KALRN: variants seen among roughly 807,000 people sequenced by gnomAD.
The protein encoded by KALRN is kalirin.
Under a neutral mutation model 353.7 loss-of-function variants are expected in KALRN, and 70 were observed. The observed-to-expected ratio is 0.20, with a 90% CI of 0.16 to 0.24. The LOEUF (loss-of-function observed/expected upper bound fraction) is 0.24. Ranked by LOEUF, KALRN falls within the 10% of genes least tolerant of loss-of-function variation. KALRN has a pLI of 1.00. For synonymous variants in KALRN, 1,391 were observed against 1,434.8 expected, an observed-to-expected ratio of 0.97 and a Z score of 0.69; for missense variants, 2,791 against 3,756.7, an observed-to-expected ratio of 0.74 and a Z score of 6.72.
intron 33 of KALRN, chr3:124,562,612 G>GAT: frequency 2.0e-4 from 70 of 350,226 alleles, no homozygotes; most frequent in East Asian, 3.8e-4. Context: ...TGATTGAATA[G>GAT]CACTGTGCTA....
chr3:124,293,905 G>A (rs892199746), intron 5 of KALRN, among the ~76,000 whole-genome samples: 2 of 152,128 alleles, frequency 1.3e-5, no homozygotes, highest in Non-Finnish European at 2.9e-5. Flanking sequence ...ACTAGCAACC[G>A]AATAACCTAT....
chr3:124,233,196 C>T (rs545036104), intron 2 of KALRN, among the ~76,000 whole-genome samples: 1 of 152,232 alleles, frequency 6.6e-6, no homozygotes, highest in East Asian at 1.9e-4. Flanking sequence ...AGGAAAAAAA[C>T]AACAGCTATG....
chr3:124,429,561 T>C (rs2150433824), intron 15 of KALRN, among the ~76,000 whole-genome samples: 2 of 152,340 alleles, frequency 1.3e-5, no homozygotes, highest in Middle Eastern at 6.8e-3. Flanking sequence ...TTTGGCAATG[T>C]TCTGGTGACC....
At chr3:124,046,392 C>G (rs1390265089) in intron 1 of KALRN, among the ~76,000 whole-genome samples, 1 of 152,148 alleles carries the variant, frequency 6.6e-6, no homozygotes, top group Non-Finnish European at 1.5e-5. Flanking sequence ...TTTTTCAGGT[C>G]AGATGCTGGA....
At chr3:124,120,736 A>ATATATATATATATATATATATATATG (rs1553774505) in intron 1 of KALRN, among the ~76,000 whole-genome samples, 6 of 144,380 alleles carry the variant, frequency 4.2e-5, no homozygotes, top group African/African-American at 1.6e-4. Flanking sequence ...ATATATATAT[A>ATATATATATATATATATATATATATG]TATATATATT....
intron 21 of KALRN, among the ~76,000 whole-genome samples, chr3:124,450,429 AC>A (rs1560981582): frequency 6.6e-6 from 1 of 152,234 alleles, no homozygotes; most frequent in African/African-American, 2.4e-5. Flanking sequence ...CCTTAGCTGA[AC>A]TAAACTATGA....
chr3:124,516,466 A>G (rs1237391389), intron 33 of KALRN, among the ~76,000 whole-genome samples: 3 of 152,186 alleles, frequency 2.0e-5, no homozygotes, highest in African/African-American at 4.8e-5. Context: ...GACATGTGGT[A>G]AGCACTCAAT....
At chr3:124,109,456 C>A (rs938939737) in intron 1 of KALRN, among the ~76,000 whole-genome samples, 1 of 151,936 alleles carries the variant, frequency 6.6e-6, no homozygotes, top group Admixed American at 6.6e-5. Context: ...TTTCCCAAAT[C>A]ACCTTTCTTT....
intron 1 of KALRN, among the ~76,000 whole-genome samples, chr3:124,180,897 G>A (rs2073478739): frequency 6.6e-6 from 1 of 151,798 alleles, no homozygotes; most frequent in African/African-American, 2.4e-5. Flanking sequence ...ACTTACAAGT[G>A]TGTTATATCT....
intron 1 of KALRN, among the ~76,000 whole-genome samples, chr3:124,171,509 A>C (rs1466732794): frequency 6.6e-6 from 1 of 152,158 alleles, no homozygotes; most frequent in African/African-American, 2.4e-5. Context: ...ACACCTCTTG[A>C]AGTTGAGGCC....
At chr3:124,619,760 T>C (rs535495660) in intron 34 of KALRN, among the ~76,000 whole-genome samples, 132 of 152,250 alleles carry the variant, frequency 8.7e-4, no homozygotes, top group Non-Finnish European at 1.6e-3. Flanking sequence ...GTGCTGGGAT[T>C]ACAGGCATGA....
At chr3:124,452,192 G>A (rs75601343) in intron 21 of KALRN, among the ~76,000 whole-genome samples, 10,265 of 152,216 alleles carry the variant, frequency 0.067, 431 homozygotes, top group East Asian at 0.13. Context: ...TGGGGACCAT[G>A]GCCATGGTTG....
chr3:124,078,149 T>C (rs186603293), intron 1 of KALRN, among the ~76,000 whole-genome samples: 1 of 152,290 alleles, frequency 6.6e-6, no homozygotes, highest in East Asian at 1.9e-4. Flanking sequence ...TGTTTTTCCA[T>C]CCTCTAATAT....
At chr3:124,181,683 CTT>C (rs2073619653) in intron 1 of KALRN, among the ~76,000 whole-genome samples, 1 of 152,028 alleles carries the variant, frequency 6.6e-6, no homozygotes, top group African/African-American at 2.4e-5. Context: ...GGAGAGGAAT[CTT>C]TTGCTGCAGT....
At chr3:124,308,080 A>G (rs2077880841) in intron 6 of KALRN, among the ~76,000 whole-genome samples, 1 of 152,026 alleles carries the variant, frequency 6.6e-6, no homozygotes, top group South Asian at 2.1e-4. Flanking sequence ...ATAAAAAGCA[A>G]CTTTTTAAAG....
chr3:124,371,788 AG>A (rs1228695206), intron 10 of KALRN, among the ~76,000 whole-genome samples: 1 of 152,216 alleles, frequency 6.6e-6, no homozygotes, highest in African/African-American at 2.4e-5. Context: ...TTAGCCTCTA[AG>A]TTACAATCTA....
At chr3:124,565,282 G>A (rs1230303728) in intron 34 of KALRN, among the ~76,000 whole-genome samples, 1 of 152,176 alleles carries the variant, frequency 6.6e-6, no homozygotes, top group African/African-American at 2.4e-5. Context: ...TGTCCTCTGA[G>A]GACTAAGGAG....
intron 33 of KALRN, among the ~76,000 whole-genome samples, chr3:124,530,085 C>A (rs1354633410): frequency 1.3e-5 from 2 of 152,128 alleles, no homozygotes; most frequent in Non-Finnish European, 2.9e-5. Context: ...TGTGAGTCAG[C>A]CCAAGAAATG....
intron 10 of KALRN, among the ~76,000 whole-genome samples, chr3:124,348,084 A>G (rs1007231024): frequency 3.9e-5 from 6 of 152,166 alleles, no homozygotes; most frequent in Non-Finnish European, 7.3e-5. Context: ...CATTTTCGAG[A>G]TGAAATACTG....
Sources: allele counts gnomAD v4.1 joint callset (sites outside exome capture counted in the v4.1 genomes callset), GRCh38; gene constraint gnomAD v4.1.1; transcripts MANE v1.5; gene names NCBI Gene and HGNC (gene_info 2026-07-23, HGNC 2026-07-21).